Variants in PLEKHG5 observed in about 807,000 individuals in gnomAD.
The protein encoded by PLEKHG5 is pleckstrin homology and RhoGEF domain containing G5, also known as pleckstrin homology domain-containing family G member 5.
A neutral mutation model predicts 103.8 loss-of-function variants in PLEKHG5; 52 were observed. That is an observed-to-expected ratio of 0.50 (90% CI 0.40 to 0.63). The LOEUF (loss-of-function observed/expected upper bound fraction) is 0.63, where lower values mean the gene tolerates loss of function less well. Ranked by LOEUF, PLEKHG5 falls within the 30% of genes least tolerant of loss-of-function variation. The pLI, the probability that PLEKHG5 is intolerant of heterozygous loss-of-function variation, is 0.00. For missense variants in PLEKHG5, 1,205 were observed against 1,347.6 expected, an observed-to-expected ratio of 0.89 and a Z score of 1.66; for synonymous variants, 592 against 575.5, an observed-to-expected ratio of 1.03 and a Z score of -0.41.
rs375458571 is a variant in PLEKHG5 at position 6,491,179 on chromosome 1, G to T, written c.-88+458C>A. On this transcript the variant is annotated intron_variant, in intron 1 of 20. Transcript: ENST00000377728. The surrounding 1 kb of genome is among the most constrained non-coding windows in gnomAD (Gnocchi z 4.1). ...GGTTCCCAGTTCCCCTCTCCCAGCA[G>T]CGGGAGTTTAGAATAACTCTGGGCT... Among the ~76,000 whole-genome samples the T allele has an allele frequency of 5.9e-5, 9 of 152,060 alleles. No homozygotes were observed. Among genetic ancestry groups the T allele is most frequent in the African/African-American group, 2.2e-4 (9 of 41,458 alleles).
At position 6,490,669 on chromosome 1, in the gene PLEKHG5, G is replaced by A; in HGVS notation, c.-88+968C>T. The A allele has an allele frequency of 7.6e-6, 7 of 926,122 alleles. No homozygotes were observed. The highest frequency in any genetic ancestry group is 9.0e-6 in the Non-Finnish European group (7 of 776,080). The allele number at this position is 926,122 out of a possible 1,614,324, so 57.4% of individuals were successfully genotyped here. On this transcript the variant is annotated intron_variant, in intron 1 of 20. Coordinates refer to ENST00000377728, the MANE Select transcript of PLEKHG5 (RefSeq NM_020631.6). The surrounding 1 kb of genome is among the most constrained non-coding windows in gnomAD (Gnocchi z 8.0). ...TGTACCAACGGCGCCGCCCGGCTGG[G>A]ACCGGGGAGAGGAGGGGTCCCAGGA... is the stretch of plus-strand genomic sequence containing the variant.
chr1:6,481,564 T>TAA (rs1316235113), intron 1 of PLEKHG5, among the ~76,000 whole-genome samples: 32 of 126,744 alleles, frequency 2.5e-4, no homozygotes, highest in East Asian at 1.2e-3. Flanking sequence ...AATAAATAAA[T>TAA]ATATAAGTAA....
chr1:6,475,042 C>A lies in PLEKHG5; in HGVS notation c.302+5G>T. On this transcript the variant is annotated splice_donor_5th_base_variant and intron_variant, in intron 5 of 20. Coordinates refer to ENST00000377728, the MANE Select transcript of PLEKHG5 (RefSeq NM_020631.6). ...ACTTCCACCCTGAGCCCCATCAAGC[C>A]CTACCCCAGTGACTTCTTCTTCATG... 1 of 1,576,038 alleles carries A rather than the reference C, an allele frequency of 6.3e-7. No individual in the cohort carries two copies. The highest frequency in any genetic ancestry group is 8.7e-7 in the Non-Finnish European group (1 of 1,145,290).
chr1:6,482,693 T>G (rs1220173317), intron 1 of PLEKHG5, among the ~76,000 whole-genome samples: 1 of 152,090 alleles, frequency 6.6e-6, no homozygotes, highest in Non-Finnish European at 1.5e-5. Flanking sequence ...CCCAGATTAT[T>G]ATTTATTTAT....
upstream of PLEKHG5, among the ~76,000 whole-genome samples, chr1:6,499,264 T>C (rs921917159): frequency 6.6e-6 from 1 of 152,198 alleles, no homozygotes; most frequent in Non-Finnish European, 1.5e-5. Context: ...GATCCCCCCA[T>C]GACTGCTCAG....
rs1645129968 is a variant in PLEKHG5 at position 6,490,495 on chromosome 1, G to C, written c.-88+1142C>G. 7.1e-6 allele frequency: 7 copies of C among 983,700 alleles called. No individual in the cohort carries two copies. The highest frequency in any genetic ancestry group is 8.4e-6 in the Non-Finnish European group (7 of 829,090). The allele number at this position is 983,700 out of a possible 1,614,324, so 60.9% of individuals were successfully genotyped here. A position where few individuals can be genotyped will look rare whatever the true frequency, so the allele number is the denominator to read the frequency against. ...CCCGGTGTCTAAGGCTCTAAGGCTC[G>C]GGCCGAGACTGCCAAAGCCTCATGG... On this transcript the variant is annotated intron_variant, in intron 1 of 20. Transcript: ENST00000377728. This position sits in a 1 kb window ranked among gnomAD's most constrained non-coding sequence, Gnocchi z 8.0.
chr1:6,469,786 C>T, intron 16 of PLEKHG5, 110 bp from the exon 17 acceptor site: 1 of 940,480 alleles, frequency 1.1e-6, no homozygotes, highest in Non-Finnish European at 1.7e-6. Context: ...ACTCCTCCCA[C>T]CATGAACCTT....
rs1230333232 is a variant in PLEKHG5, at chr1:6,487,073, G to A, written c.-88+4564C>T. ...GGGCTGTCTCCACTCCCAAAGCCCA[G>A]GTCACCCACTGTCTACACCACAGGC... On this transcript the variant is annotated intron_variant, in intron 1 of 20. Transcript: ENST00000377728. This position sits in a 1 kb window ranked among gnomAD's most constrained non-coding sequence, Gnocchi z 4.1. Among the ~76,000 whole-genome samples the A allele has an allele frequency of 2.0e-5, 3 of 152,140 alleles. No individual in the cohort carries two copies. The highest frequency in any genetic ancestry group is 6.5e-5 in the Admixed American group (1 of 15,272).
At chr1:6,516,398 C>T (rs925602469) in intron 1 of PLEKHG5, among the ~76,000 whole-genome samples, 1 of 152,200 alleles carries the variant, frequency 6.6e-6, no homozygotes, top group Non-Finnish European at 1.5e-5. Flanking sequence ...TGACTCATGC[C>T]TGCAATCCCA....
chr1:6,512,500 C>T (rs1638504703), intron 1 of PLEKHG5, among the ~76,000 whole-genome samples: 1 of 152,328 alleles, frequency 6.6e-6, no homozygotes, highest in Non-Finnish European at 1.5e-5. Flanking sequence ...CCCTCAGGCC[C>T]ACTCGGCTCA....
At chr1:6,489,826 C>T (rs1557761909) in intron 1 of PLEKHG5, among the ~76,000 whole-genome samples, 3 of 152,196 alleles carry the variant, frequency 2.0e-5, no homozygotes, top group South Asian at 2.1e-4. Context: ...AGTGTGTGCC[C>T]GGACCCCGGC....
In PLEKHG5 at chr1:6,468,184, C is replaced by A. The variant is rs1313098981; in HGVS notation, c.2652G>T (p.Gln884His). 6.4e-7 allele frequency: 1 copy of A among 1,569,590 alleles called. No individual in the cohort carries two copies. Among genetic ancestry groups the A allele is most frequent in the Non-Finnish European group, 8.7e-7 (1 of 1,155,940 alleles). Residue 884 changes from glutamine to histidine, a missense_variant, in exon 20 of 21, where the codon CAG becomes CAT. By Grantham distance (24) the Gln-to-His change is conservative (BLOSUM62 0). Transcript: ENST00000377728. The part of the protein sequence containing the change: ...LKSKSEASLL[Q>H]LLAGAGTHGT... Reference sequence around the variant, plus strand: ...CATGGGTGCCAGCCCCTGCCAGCAGCTGGAGGAGGCTGGCCTCGGACTTAG... The same window carrying A: ...CATGGGTGCCAGCCCCTGCCAGCAGATGGAGGAGGCTGGCCTCGGACTTAG...
At chr1:6,512,211 C>CCG in intron 1 of PLEKHG5, among the ~76,000 whole-genome samples, 1 of 152,156 alleles carries the variant, frequency 6.6e-6, no homozygotes, top group East Asian at 1.9e-4. Context: ...GTCCACCACC[C>CCG]TCCATACCAT....
chr1:6,511,418 C>T (rs1159278986), intron 1 of PLEKHG5, among the ~76,000 whole-genome samples: 1 of 152,212 alleles, frequency 6.6e-6, no homozygotes, highest in Non-Finnish European at 1.5e-5. Flanking sequence ...ATCCTAAGCC[C>T]CGACTAGGGT....
intron 1 of PLEKHG5, among the ~76,000 whole-genome samples, chr1:6,514,811 T>C (rs960897728): frequency 6.7e-6 from 1 of 150,100 alleles, no homozygotes; most frequent in Non-Finnish European, 1.5e-5. Flanking sequence ...CTCAAGCCTG[T>C]AATCCCAGCA....
In PLEKHG5 at chr1:6,469,218, T is replaced by C; in HGVS notation, c.2073A>G (p.Ala691=). The C allele has an allele frequency of 6.2e-7, 1 of 1,613,400 alleles. No homozygotes were observed. The highest frequency in any genetic ancestry group is 2.2e-5 in the East Asian group (1 of 44,876). ...NAQNQLQQLR[A]QEPPGSQQPL... is the part of the protein sequence containing the mutation. ...GCTGCTGACTGCCTGGGGGCTCCTG[T>C]GCACGCAGCTGTTGCAGCTGGTTCT... Residue 691 remains alanine, a synonymous_variant, in exon 19 of 21, where the codon GCA becomes GCG. Coordinates refer to ENST00000377728, the MANE Select transcript of PLEKHG5 (RefSeq NM_020631.6).
upstream of PLEKHG5, among the ~76,000 whole-genome samples, chr1:6,495,333 C>G (rs1290882437): frequency 6.6e-6 from 1 of 152,216 alleles, no homozygotes; most frequent in African/African-American, 2.4e-5. Context: ...CCTCCCCGCC[C>G]CGCCCCATAG....
At chr1:6,498,949 G>A (rs1645265757), upstream of PLEKHG5, among the ~76,000 whole-genome samples, 1 of 152,186 alleles carries the variant, frequency 6.6e-6, no homozygotes, top group Non-Finnish European at 1.5e-5. Flanking sequence ...GTGGAGTGGG[G>A]TTCGGGGCTT....
intron 1 of PLEKHG5, among the ~76,000 whole-genome samples, chr1:6,503,489 C>A (rs1015764236): frequency 6.7e-6 from 1 of 150,186 alleles, no homozygotes; most frequent in Non-Finnish European, 1.5e-5. Flanking sequence ...GCTCACTGAA[C>A]CTCTGCCTCC....
Sources: allele counts gnomAD v4.1 joint callset (sites outside exome capture counted in the v4.1 genomes callset), GRCh38; gene constraint gnomAD v4.1.1; non-coding constraint Gnocchi (gnomAD v3.1); transcripts MANE v1.5; gene names NCBI Gene and HGNC (gene_info 2026-07-23, HGNC 2026-07-21).